PHLPP1: variants seen among roughly 807,000 people sequenced by gnomAD.
PHLPP1 encodes the protein PH domain and leucine rich repeat protein phosphatase 1.
PHLPP1 carries 42 observed loss-of-function variants against 117.2 expected under a neutral mutation model. That is an observed-to-expected ratio of 0.36 (90% CI 0.28 to 0.46). PHLPP1 has a LOEUF of 0.46. PHLPP1 is among the 20% of genes least tolerant of loss of function. The probability of loss-of-function intolerance (pLI) is 1.00; values close to 1 mark genes in which losing one functional copy is unlikely to be tolerated. For missense variants in PHLPP1, 2,084 were observed against 2,241.9 expected, an observed-to-expected ratio of 0.93 and a Z score of 1.42; for synonymous variants, 1,042 against 970.7, an observed-to-expected ratio of 1.07 and a Z score of -1.37.
At chr18:62,886,050 A>G (rs1393368382) in intron 4 of PHLPP1, among the ~76,000 whole-genome samples, 1 of 152,222 alleles carries the variant, frequency 6.6e-6, no homozygotes, top group African/African-American at 2.4e-5. Context: ...GAACACTAGT[A>G]GATCACACCC....
intron 6 of PHLPP1, among the ~76,000 whole-genome samples, chr18:62,897,696 A>G (rs1486444052): frequency 6.6e-6 from 1 of 152,052 alleles, no homozygotes; most frequent in African/African-American, 2.4e-5. Context: ...TACTGAAGAC[A>G]GGGGTTCACC....
At chr18:62,866,617 T>G (rs191736799) in intron 4 of PHLPP1, among the ~76,000 whole-genome samples, 1 of 152,186 alleles carries the variant, frequency 6.6e-6, no homozygotes, top group Non-Finnish European at 1.5e-5. Flanking sequence ...TTTTTTAAAT[T>G]TGAGTATTTC....
At chr18:62,782,195 CA>C (rs1246703256) in intron 1 of PHLPP1, among the ~76,000 whole-genome samples, 2 of 152,240 alleles carry the variant, frequency 1.3e-5, no homozygotes, top group Non-Finnish European at 2.9e-5. Flanking sequence ...TCCTCTTGCT[CA>C]ACTGGAGGAT....
At chr18:62,812,785 T>C (rs566341480) in intron 1 of PHLPP1, among the ~76,000 whole-genome samples, 2 of 152,216 alleles carry the variant, frequency 1.3e-5, no homozygotes, top group South Asian at 4.1e-4. Flanking sequence ...ATTAAAATCC[T>C]GAAGTCTACA....
intron 1 of PHLPP1, among the ~76,000 whole-genome samples, chr18:62,819,290 G>A (rs1359801359): frequency 6.6e-6 from 1 of 152,170 alleles, no homozygotes; most frequent in Non-Finnish European, 1.5e-5. Flanking sequence ...ACTACTTATG[G>A]TGTTCATGAA....
chr18:62,870,945 AT>A (rs1259308349), intron 4 of PHLPP1, among the ~76,000 whole-genome samples: 1 of 152,140 alleles, frequency 6.6e-6, no homozygotes, highest in Non-Finnish European at 1.5e-5. Flanking sequence ...CATCAGGGTA[AT>A]TTTTGGTGGT....
chr18:62,951,047 T>C (rs926512536), intron 12 of PHLPP1, among the ~76,000 whole-genome samples: 3 of 151,612 alleles, frequency 2.0e-5, no homozygotes, highest in Admixed American at 1.3e-4. Flanking sequence ...AGTGGCACGA[T>C]CTTTGTTCAC....
rs182201563 is a variant in PHLPP1, at chr18:62,776,065, T to A, written c.1577-53970T>A. On this transcript the variant is annotated intron_variant, in intron 1 of 16. Transcript: ENST00000262719. ...ATAGATATATATCTATAAAGAGATTTAAAAAAATATATATATAAAGAAGTT... is the reference window on the plus strand; with the variant it reads ...ATAGATATATATCTATAAAGAGATTAAAAAAAATATATATATAAAGAAGTT... Among the ~76,000 whole-genome samples the A allele has an allele frequency of 4.2e-3, 645 of 152,070 alleles. 3 individuals are homozygous for A. Among genetic ancestry groups the A allele is most frequent in the Admixed American group, 7.5e-3 (115 of 15,298 alleles).
In PHLPP1 at chr18:62,979,939, ACT is replaced by A. The variant is rs3087167; in HGVS notation, c.*511_*512del. 2,969 of 155,588 alleles carry A rather than the reference ACT, an allele frequency of 0.019. 97 individuals carry two copies. Among genetic ancestry groups the A allele is most frequent in the African/African-American group, 0.067 (2,781 of 41,484 alleles). 9.6% of individuals were successfully genotyped at this position (155,588 alleles called of 1,614,324 possible). A position where few individuals can be genotyped will look rare whatever the true frequency, so the allele number is the denominator to read the frequency against. On this transcript the variant is annotated 3_prime_UTR_variant, in exon 17 of 17. Coordinates refer to ENST00000262719, the MANE Select transcript of PHLPP1 (RefSeq NM_194449.4). Reference sequence around the variant, plus strand: ...GAGACTAACTCCTAGGAGTTGCTTTACTCTGTCAGGTGACTTAAGTCACTGGG... The same window carrying A: ...GAGACTAACTCCTAGGAGTTGCTTTACTGTCAGGTGACTTAAGTCACTGGG...
At chr18:62,823,409 A>AAAAAACT (rs1361380000) in intron 1 of PHLPP1, among the ~76,000 whole-genome samples, 3 of 151,874 alleles carry the variant, frequency 2.0e-5, no homozygotes, top group Non-Finnish European at 4.4e-5. Context: ...AAAAAATAGA[A>AAAAAACT]AAAAACTAGC....
At chr18:62,943,002 A>G (rs563206520) in intron 11 of PHLPP1, among the ~76,000 whole-genome samples, 168 of 152,316 alleles carry the variant, frequency 1.1e-3, no homozygotes, top group African/African-American at 3.8e-3. Flanking sequence ...TGGGGAAATG[A>G]TATTTTTGGA....
chr18:62,945,217 T>G lies in PHLPP1; in HGVS notation c.3270T>G (p.Ala1090=). ...GCAGGCGCATGCACACCGTGATTGC[T>G]CACTCCAACTGCATCGAGGTCTTTC... ...MNCRRMHTVI[A]HSNCIEVFPE... The change falls in exon 12 of 17, where the codon GCT becomes GCG. Residue 1090 remains alanine (A), a synonymous_variant. Transcript: ENST00000262719. 1 of 1,612,808 alleles carries G rather than the reference T, an allele frequency of 6.2e-7. No homozygotes were observed. Among genetic ancestry groups the G allele is most frequent in the Non-Finnish European group, 8.5e-7 (1 of 1,179,438 alleles).
chr18:62,716,863 C>A lies in PHLPP1; in HGVS notation c.1180C>A (p.Pro394Thr). The A allele has an allele frequency of 6.6e-7, 1 of 1,522,298 alleles. No homozygotes were observed. Among genetic ancestry groups the A allele is most frequent in the Non-Finnish European group, 8.8e-7 (1 of 1,141,060 alleles). 94.3% of individuals were successfully genotyped at this position (1,522,298 alleles called of 1,614,324 possible). A position where few individuals can be genotyped will look rare whatever the true frequency, so the allele number is the denominator to read the frequency against. Residue 394 changes from proline to threonine, a missense_variant, in exon 1 of 17, where the codon CCC (proline) becomes ACC (threonine). Physicochemically the swap from Pro to Thr is conservative, Grantham distance 38. This residue lies in a region of PHLPP1 where 719 missense variants were observed against 636.0 expected (regional missense o/e 1.13). Transcript: ENST00000262719. The surrounding 1 kb of genome is among the most constrained non-coding windows in gnomAD (Gnocchi z 5.7). ...ASAPTGVPGQ[P>T]RRPGHPAQPL... ...GGCCCCGACGGGGGTCCCGGGCCAG[C>A]CCCGCCGTCCCGGCCACCCCGCGCA...
intron 7 of PHLPP1, 94 bp from the exon 8 acceptor site, chr18:62,905,130 G>C (rs1916813512): frequency 1.6e-6 from 1 of 622,450 alleles, no homozygotes; most frequent in East Asian, 3.3e-5. Flanking sequence ...AAACAATAGA[G>C]AATAAAGCAC....
intron 1 of PHLPP1, among the ~76,000 whole-genome samples, chr18:62,823,810 C>T (rs996661844): frequency 1.3e-5 from 2 of 151,828 alleles, no homozygotes; most frequent in African/African-American, 4.8e-5. Context: ...AAGGAGATAC[C>T]ACTACATATG....
At chr18:62,860,914 G>A (rs1190338970) in intron 4 of PHLPP1, among the ~76,000 whole-genome samples, 1 of 151,994 alleles carries the variant, frequency 6.6e-6, no homozygotes, top group Non-Finnish European at 1.5e-5. Context: ...ATAACATTTG[G>A]TGTGTTACTT....
rs1911142449 is a variant in PHLPP1, at chr18:62,974,793, A to G, written c.3756-604A>G. 3.9e-5 allele frequency among the ~76,000 whole-genome samples: 6 copies of G among 152,320 alleles called. No homozygotes were observed. In the South Asian group the frequency reaches 1.2e-3, roughly 32 times the overall value. Reference sequence around the variant, plus strand: ...ATTTGATTACTAGAATGTCCTTTCTATGAGTTTTCTAGAATAGATGGTGCT... The same window carrying G: ...ATTTGATTACTAGAATGTCCTTTCTGTGAGTTTTCTAGAATAGATGGTGCT... On this transcript the variant is annotated intron_variant, in intron 15 of 16. Transcript: ENST00000262719.
At chr18:62,913,501 T>C (rs946410267) in intron 8 of PHLPP1, among the ~76,000 whole-genome samples, 11 of 152,158 alleles carry the variant, frequency 7.2e-5, no homozygotes, top group African/African-American at 2.7e-4. Flanking sequence ...TGCTGTAATA[T>C]CTTATAATTC....
chr18:62,813,714 C>T (rs1010977441), intron 1 of PHLPP1, among the ~76,000 whole-genome samples: 3 of 152,144 alleles, frequency 2.0e-5, no homozygotes, highest in Middle Eastern at 3.2e-3. Flanking sequence ...TCTTGAGTGG[C>T]AGAGCCCCTC....
Sources: allele counts gnomAD v4.1 joint callset (sites outside exome capture counted in the v4.1 genomes callset), GRCh38; gene constraint gnomAD v4.1.1; regional missense constraint gnomAD v4.1.1; non-coding constraint Gnocchi (gnomAD v3.1); transcripts MANE v1.5; gene names NCBI Gene and HGNC (gene_info 2026-07-23, HGNC 2026-07-21).